SLC30A10: variants seen among roughly 807,000 people sequenced by gnomAD.
SLC30A10 encodes the protein solute carrier family 30 member 10, also known as calcium/manganese antiporter SLC30A10.
Under a neutral mutation model 21.7 loss-of-function variants are expected in SLC30A10, and 8 were observed. The ratio of observed to expected loss-of-function variants is 0.37; its 90% CI spans 0.22 to 0.67. The LOEUF (loss-of-function observed/expected upper bound fraction) is 0.67. SLC30A10 is among the 30% of genes least tolerant of loss of function. The pLI, the probability that SLC30A10 is intolerant of heterozygous loss-of-function variation, is 0.58. For synonymous variants in SLC30A10, 272 were observed against 279.4 expected, an observed-to-expected ratio of 0.97 and a Z score of 0.26; for missense variants, 521 against 642.5, an observed-to-expected ratio of 0.81 and a Z score of 2.04.
At chr1:219,934,940 T>C (rs1660026699) in intron 1 of SLC30A10, among the ~76,000 whole-genome samples, 1 of 151,934 alleles carries the variant, frequency 6.6e-6, no homozygotes, top group African/African-American at 2.4e-5. Flanking sequence ...CAAGGGTAAG[T>C]GAAAACACGA....
At chr1:219,940,843 T>TA in intron 1 of SLC30A10, among the ~76,000 whole-genome samples, 1 of 152,204 alleles carries the variant, frequency 6.6e-6, no homozygotes, top group Admixed American at 6.5e-5. Context: ...AAAATGCCTT[T>TA]CAAGTGAGAC....
chr1:219,922,176 G>GTGTGTT (rs1558252071), intron 2 of SLC30A10, among the ~76,000 whole-genome samples: 1 of 36,406 alleles, frequency 2.7e-5, no homozygotes, highest in African/African-American at 1.1e-4. Context: ...GTGTGTGTGT[G>GTGTGTT]TTTTTTTTTT....
intron 1 of SLC30A10, among the ~76,000 whole-genome samples, chr1:219,958,306 C>T (rs114306275): frequency 2.0e-5 from 3 of 152,250 alleles, no homozygotes; most frequent in Admixed American, 2.0e-4. Flanking sequence ...TTCCTCTCTG[C>T]GTGCCTGAAG....
intron 1 of SLC30A10, among the ~76,000 whole-genome samples, chr1:219,938,012 G>T (rs912401533): frequency 1.3e-5 from 2 of 152,094 alleles, no homozygotes; most frequent in African/African-American, 2.4e-5. Context: ...GTCACCTGGG[G>T]TAATTATTAT....
chr1:219,955,554 G>GT (rs1258550818), intron 1 of SLC30A10, among the ~76,000 whole-genome samples: 1 of 151,954 alleles, frequency 6.6e-6, no homozygotes, highest in Non-Finnish European at 1.5e-5. Context: ...CCTATATATA[G>GT]TTTGTTCTAT....
chr1:219,923,551 G>A (rs1264815364), intron 2 of SLC30A10, among the ~76,000 whole-genome samples: 2 of 152,256 alleles, frequency 1.3e-5, no homozygotes, highest in East Asian at 3.9e-4. Flanking sequence ...CATCAAAGGG[G>A]ATTTCTTTTC....
At chr1:219,946,367 G>T (rs1175434633) in intron 1 of SLC30A10, among the ~76,000 whole-genome samples, 1 of 152,212 alleles carries the variant, frequency 6.6e-6, no homozygotes, top group East Asian at 1.9e-4. Flanking sequence ...GGAAGCAGTG[G>T]TTGATATTGG....
intron 1 of SLC30A10, among the ~76,000 whole-genome samples, chr1:219,949,788 A>T (rs1485667598): frequency 6.6e-6 from 1 of 151,852 alleles, no homozygotes; most frequent in Non-Finnish European, 1.5e-5. Context: ...AAAAATAAAA[A>T]AAGAAAAATT....
intron 1 of SLC30A10, among the ~76,000 whole-genome samples, chr1:219,953,652 G>T (rs1394580170): frequency 1.3e-5 from 2 of 149,178 alleles, no homozygotes; most frequent in African/African-American, 2.5e-5. Context: ...CTTCAATTAT[G>T]CAGCTTCTCA....
At chr1:219,935,657 G>A (rs1660036051) in intron 1 of SLC30A10, among the ~76,000 whole-genome samples, 1 of 152,192 alleles carries the variant, frequency 6.6e-6, no homozygotes, top group African/African-American at 2.4e-5. Flanking sequence ...CTTATGTAAA[G>A]GGTCTTGCAT....
At chr1:219,933,509 G>C (rs1659999354), upstream of SLC30A10, among the ~76,000 whole-genome samples, 1 of 152,198 alleles carries the variant, frequency 6.6e-6, no homozygotes, top group Non-Finnish European at 1.5e-5. Flanking sequence ...TGACCTGGGG[G>C]ACACGTTCCT....
Position 219,920,710 on chromosome 1 carries a change from G to C in SLC30A10, c.719-2216C>G, listed in dbSNP as rs960125839. The stretch of plus-strand genomic sequence containing the variant: ...CATTAAGTCCTTTTAAGGACTGTAA[G>C]GTGGTTACCCTTGTAAAAATAAGTA... On this transcript the variant is annotated intron_variant, in intron 2 of 3. Coordinates refer to ENST00000366926, the MANE Select transcript of SLC30A10 (RefSeq NM_018713.3). Among the ~76,000 whole-genome samples, 4 of 152,270 alleles carry C rather than the reference G, an allele frequency of 2.6e-5. No individual in the cohort carries two copies. In the East Asian group the frequency reaches 7.7e-4, roughly 29 times the overall value.
chr1:219,912,531 C>T lies in SLC30A10; in HGVS notation c.*2918G>A, dbSNP rs1659437902. Among the ~76,000 whole-genome samples, 1 of 152,212 alleles carries T rather than the reference C, an allele frequency of 6.6e-6. No individual in the cohort carries two copies. Among genetic ancestry groups the T allele is most frequent in the South Asian group, 2.1e-4 (1 of 4,822 alleles). On this transcript the variant is annotated 3_prime_UTR_variant, in exon 4 of 4. Coordinates refer to ENST00000366926, the MANE Select transcript of SLC30A10 (RefSeq NM_018713.3). ...GCTGACACACAAAATATGCCGTAGA[C>T]TTTAAAAATTATGTCAGTTCTGGCC...
intron 2 of SLC30A10, among the ~76,000 whole-genome samples, chr1:219,923,765 GA>G (rs1659751762): frequency 6.6e-6 from 1 of 152,126 alleles, no homozygotes; most frequent in South Asian, 2.1e-4. Context: ...GTGTTCCTTA[GA>G]ACTCATTTGT....
intron 1 of SLC30A10, among the ~76,000 whole-genome samples, chr1:219,937,744 G>A (rs1039687856): frequency 6.6e-5 from 10 of 152,212 alleles, no homozygotes; most frequent in Non-Finnish European, 1.0e-4. Flanking sequence ...ACCTGGAGGC[G>A]GAGGTTGCAG....
upstream of SLC30A10, among the ~76,000 whole-genome samples, chr1:219,931,326 G>A (rs940714613): frequency 4.6e-5 from 7 of 152,182 alleles, no homozygotes; most frequent in African/African-American, 1.7e-4. Context: ...GGAAGTGGCA[G>A]AGGCAGCCTG....
upstream of SLC30A10, among the ~76,000 whole-genome samples, chr1:219,932,705 CTTTTTTTTTTT>C (rs58052957): frequency 6.2e-5 from 4 of 64,912 alleles, no homozygotes; most frequent in South Asian, 2.3e-3. Flanking sequence ...AGTAACCATT[CTTTTTTTTTTT>C]TTTTTTTTTT....
chr1:219,933,155 A>G (rs1659993673), upstream of SLC30A10, among the ~76,000 whole-genome samples: 1 of 152,084 alleles, frequency 6.6e-6, no homozygotes, highest in African/African-American at 2.4e-5. Context: ...CAGCCCACCT[A>G]GAACGAAGCA....
At position 219,918,101 on chromosome 1, in the gene SLC30A10, T is replaced by C. The variant is rs908113258; in HGVS notation, c.958+154A>G. ...GGTACTTGGAGCTGAGTCATCTTAA[T>C]AGGCTATAAAACATATGATGACATC... On this transcript the variant is annotated intron_variant, in intron 3 of 3. Coordinates refer to ENST00000366926, the MANE Select transcript of SLC30A10 (RefSeq NM_018713.3). The surrounding 1 kb of genome is among the most constrained non-coding windows in gnomAD (Gnocchi z 4.4). 3.3e-5 allele frequency among the ~76,000 whole-genome samples: 5 copies of C among 152,128 alleles called. No homozygotes were observed. The highest frequency in any genetic ancestry group is 1.2e-4 in the African/African-American group (5 of 41,386).
Sources: gnomAD v4.1 joint callset for allele counts (sites outside exome capture counted in the v4.1 genomes callset) on GRCh38, gnomAD v4.1.1 for gene constraint, Gnocchi (gnomAD v3.1) non-coding constraint, MANE v1.5 for transcripts, NCBI Gene and HGNC (gene_info 2026-07-23, HGNC 2026-07-21) for gene names.